The following STK38L variants were observed in gnomAD, a reference collection of about 807,000 sequenced individuals.
STK38L encodes the protein serine/threonine kinase 38 like, also known as serine/threonine-protein kinase 38-like.
Under a neutral mutation model 59.7 loss-of-function variants are expected in STK38L, and 28 were observed. The ratio of observed to expected loss-of-function variants is 0.47; its 90% confidence interval spans 0.35 to 0.64. The LOEUF is 0.64. STK38L is among the 30% of genes least tolerant of loss of function. STK38L has a pLI of 0.01. For missense variants in STK38L, 314 were observed against 555.8 expected, an observed-to-expected ratio of 0.56 and a Z score of 4.37; for synonymous variants, 162 against 176.8, an observed-to-expected ratio of 0.92 and a Z score of 0.66.
chr12:27,284,303 A>C (rs1943722837), intron 1 of STK38L, among the ~76,000 whole-genome samples: 1 of 152,180 alleles, frequency 6.6e-6, no homozygotes, highest in African/African-American at 2.4e-5. Flanking sequence ...GCTTCACCTG[A>C]AGGTTAGGTG....
chr12:27,312,736 T>A, intron 6 of STK38L, 64 bp downstream of exon 6: 1 of 1,573,704 alleles, frequency 6.4e-7, no homozygotes, highest in Non-Finnish European at 8.6e-7. Flanking sequence ...CAACAATAAT[T>A]TTATTGGTGA....
At position 27,320,442 on chromosome 12, in the gene STK38L, ATT is replaced by A. The variant is rs34281958; in HGVS notation, c.1175+1040_1175+1041del. Among the ~76,000 whole-genome samples the A allele has an allele frequency of 4.0e-3, 369 of 91,878 alleles. 1 individual carries two copies. The highest frequency in any genetic ancestry group is 0.014 in the African/African-American group (306 of 22,412). 60.3% of individuals were successfully genotyped at this position (91,878 alleles called of 152,430 possible). A position where few individuals can be genotyped will look rare whatever the true frequency, so the allele number is the denominator to read the frequency against. On this transcript the variant is annotated intron_variant, in intron 12 of 13. Coordinates refer to ENST00000389032, the MANE Select transcript of STK38L (RefSeq NM_015000.4). The stretch of plus-strand genomic sequence containing the variant: ...CCACCACACCCAGCTAATTTTGTTG[ATT>A]TTTTTTTTTTTTTTTTTTTTGTAGA...
In STK38L at chr12:27,324,787, A is replaced by G. The variant is rs1438764461; in HGVS notation, c.*2332A>G. 1 of 152,052 alleles carries G rather than the reference A, an allele frequency of 6.6e-6. No individual in the cohort carries two copies. The highest frequency in any genetic ancestry group is 2.4e-5 in the African/African-American group (1 of 41,424). 9.4% of individuals were successfully genotyped at this position (152,052 alleles called of 1,614,324 possible). On this transcript the variant is annotated 3_prime_UTR_variant, in exon 14 of 14. Transcript: ENST00000389032. ...CTGTGTCTGCCCTTTAGAAGCTAAGAATTTGATTCATGATGCAAATTAACT... is the reference window on the plus strand; with the variant it reads ...CTGTGTCTGCCCTTTAGAAGCTAAGGATTTGATTCATGATGCAAATTAACT...
chr12:27,248,200 G>C lies in STK38L; in HGVS notation c.-12+3868G>C, dbSNP rs557010551. On this transcript the variant is annotated intron_variant, in intron 1 of 13. Transcript: ENST00000389032. ...GAAATTTAGTTAATGATTGAATGTT[G>C]GTCTCAGCCCTTTTAGTTTATTTTC... 2.6e-5 allele frequency among the ~76,000 whole-genome samples: 4 copies of C among 152,254 alleles called. No individual in the cohort carries two copies. The East Asian group carries it at 7.7e-4, about 29-fold the overall frequency.
In STK38L at chr12:27,308,884, A is replaced by T. The variant is rs1383860123; in HGVS notation, c.310-230A>T. Among the ~76,000 whole-genome samples, 2 of 146,392 alleles carry T rather than the reference A, an allele frequency of 1.4e-5. No homozygotes were observed. The highest frequency in any genetic ancestry group is 5.0e-5 in the African/African-American group (2 of 40,290). The stretch of plus-strand genomic sequence containing the variant: ...AATATATATAAATATAAATATATAT[A>T]AATGTAAATATATAAATATATATAA... On this transcript the variant is annotated intron_variant, in intron 4 of 13. Transcript: ENST00000389032. This position sits in a 1 kb window ranked among gnomAD's most constrained non-coding sequence, Gnocchi z 4.5.
intron 1 of STK38L, among the ~76,000 whole-genome samples, chr12:27,261,636 T>C (rs1222720801): frequency 6.6e-6 from 1 of 152,208 alleles, no homozygotes; most frequent in African/African-American, 2.4e-5. Flanking sequence ...ATTTTCAGCT[T>C]AAGGTCTACT....
chr12:27,251,013 A>G (rs932222673), intron 1 of STK38L, among the ~76,000 whole-genome samples: 2 of 151,194 alleles, frequency 1.3e-5, no homozygotes, highest in Non-Finnish European at 3.0e-5. Context: ...AAAAAAAAAA[A>G]AAAGAAATTG....
chr12:27,279,463 G>A (rs1182282158), intron 1 of STK38L, among the ~76,000 whole-genome samples: 2 of 151,910 alleles, frequency 1.3e-5, no homozygotes, highest in Admixed American at 1.3e-4. Context: ...GGTGGCTCAC[G>A]CCTGTAATCC....
rs554655159 is a variant in STK38L at position 27,252,663 on chromosome 12, T to TAAGA, written c.-12+8331_-12+8332insAAGA. ...GAACATTTTCAGATCTGGTTGAGGA[T>TAAGA]GTTCTCCATATGTCGACTCTTATCT... On this transcript the variant is annotated intron_variant, in intron 1 of 13. Coordinates refer to ENST00000389032, the MANE Select transcript of STK38L (RefSeq NM_015000.4). Among the ~76,000 whole-genome samples the TAAGA allele has an allele frequency of 5.4e-4, 83 of 152,352 alleles. 3 individuals are homozygous for TAAGA. The South Asian group carries it at 0.017, about 32-fold the overall frequency.
chr12:27,311,207 A>G (rs1944446626), intron 5 of STK38L, among the ~76,000 whole-genome samples: 1 of 152,198 alleles, frequency 6.6e-6, no homozygotes, highest in Non-Finnish European at 1.5e-5. Context: ...ACCACCTTAA[A>G]TTGCTTCATG....
At chr12:27,246,694 A>G (rs1364946781) in intron 1 of STK38L, among the ~76,000 whole-genome samples, 2 of 152,150 alleles carry the variant, frequency 1.3e-5, no homozygotes, top group Non-Finnish European at 2.9e-5. Flanking sequence ...CTTCCCCCCA[A>G]AATTTTTGTT....
In STK38L at chr12:27,261,266, G is replaced by A. The variant is rs939091975; in HGVS notation, c.-12+16934G>A. The stretch of plus-strand genomic sequence containing the variant: ...CCCAAAAGTTGAAGTCCCCATCACA[G>A]CTTATTTGTGTCAGCCTCAGTCTCT... On this transcript the variant is annotated intron_variant, in intron 1 of 13. Transcript: ENST00000389032. 3.3e-5 allele frequency among the ~76,000 whole-genome samples: 5 copies of A among 152,284 alleles called. No homozygotes were observed. In the East Asian group the frequency reaches 9.6e-4, roughly 29 times the overall value.
intron 5 of STK38L, among the ~76,000 whole-genome samples, chr12:27,311,183 T>G (rs1944445916): frequency 6.6e-6 from 1 of 152,226 alleles, no homozygotes; most frequent in Non-Finnish European, 1.5e-5. Context: ...CACCAAAGTT[T>G]AGGGCTTTTC....
At chr12:27,267,012 G>A (rs1458776492) in intron 1 of STK38L, among the ~76,000 whole-genome samples, 1 of 152,022 alleles carries the variant, frequency 6.6e-6, no homozygotes, top group Non-Finnish European at 1.5e-5. Context: ...TCATTGCTTT[G>A]TTTTTTAAAT....
Position 27,322,134 on chromosome 12 carries a change from T to A in STK38L, c.1176-9T>A, listed in dbSNP as rs775053780. The A allele has an allele frequency of 6.2e-7, 1 of 1,609,352 alleles. No individual in the cohort carries two copies. Among genetic ancestry groups the A allele is most frequent in the East Asian group, 2.2e-5 (1 of 44,828 alleles). On this transcript the variant is annotated splice_polypyrimidine_tract_variant and intron_variant, in intron 12 of 13. Transcript: ENST00000389032. ...AAAGTTACCATGCATACTTAATACC[T>A]TTTTATAGGGAAAGGCCAGCAGCAA...
Position 27,312,582 on chromosome 12 carries a change from G to A in STK38L, c.427G>A (p.Val143Ile). 1.2e-6 allele frequency: 2 copies of A among 1,614,022 alleles called. No individual in the cohort carries two copies. The highest frequency in any genetic ancestry group is 1.7e-6 in the Non-Finnish European group (2 of 1,179,996). Residue 143 changes from valine to isoleucine, a missense_variant, in exon 6 of 14, where the codon GTA (valine) becomes ATA (isoleucine). By Grantham distance (29) the Val-to-Ile change is conservative (BLOSUM62 3). This residue lies in a region of STK38L where 192 missense variants were observed against 316.9 expected (regional missense o/e 0.61). Transcript: ENST00000389032. Reference sequence around the variant, plus strand: ...TATCCGAGCAGAAAGAGATATTTTGGTAGAAGCAGATGGTGCCTGGGTGGT... The same window carrying A: ...TATCCGAGCAGAAAGAGATATTTTGATAGAAGCAGATGGTGCCTGGGTGGT... The part of the protein sequence containing the change: ...AHIRAERDIL[V>I]EADGAWVVKM...
chr12:27,312,210 C>T (rs1454802422), intron 5 of STK38L, among the ~76,000 whole-genome samples: 3 of 152,286 alleles, frequency 2.0e-5, no homozygotes, highest in African/African-American at 7.2e-5. Flanking sequence ...AAAAATCACA[C>T]TAGTGCCCTA....
In STK38L at chr12:27,306,160, C is replaced by T. The variant is rs1944306164; in HGVS notation, c.187-2179C>T. Among the ~76,000 whole-genome samples the T allele has an allele frequency of 2.0e-5, 3 of 151,942 alleles. No homozygotes were observed. In the South Asian group the frequency reaches 6.2e-4, roughly 32 times the overall value. On this transcript the variant is annotated intron_variant, in intron 3 of 13. Coordinates refer to ENST00000389032, the MANE Select transcript of STK38L (RefSeq NM_015000.4). ...CTCTTTTTGCTATTAAATGGCTGGG[C>T]CCAAAACCACATAAATTGTGTGAGT... is the stretch of plus-strand genomic sequence containing the variant.
chr12:27,316,940 A>C (rs1465612826), intron 9 of STK38L, among the ~76,000 whole-genome samples: 1 of 152,196 alleles, frequency 6.6e-6, no homozygotes, highest in Non-Finnish European at 1.5e-5. Context: ...TGGGGAAGCC[A>C]GGTCTTCTAG....
Sources: allele counts gnomAD v4.1 joint callset (sites outside exome capture counted in the v4.1 genomes callset), GRCh38; gene constraint gnomAD v4.1.1; regional missense constraint gnomAD v4.1.1; non-coding constraint Gnocchi (gnomAD v3.1); transcripts MANE v1.5; gene names NCBI Gene and HGNC (gene_info 2026-07-23, HGNC 2026-07-21).